The following ZNF678 variants were observed in gnomAD, a reference collection of about 807,000 sequenced individuals.
ZNF678 encodes the protein zinc finger protein 678, also known as hypothetical protein MGC42493.
A neutral mutation model predicts 3.0 loss-of-function variants in ZNF678; 5 were observed. The observed-to-expected ratio is 1.69, with a 90% CI of 0.88 to 3.56. The LOEUF is 3.56. Among genes scored for constraint, ZNF678 ranks in the 30% most tolerant of loss-of-function variants. ZNF678 has a pLI of 0.00. For missense variants in ZNF678, 593 were observed against 605.0 expected, an observed-to-expected ratio of 0.98 and a Z score of 0.21; for synonymous variants, 218 against 199.6, an observed-to-expected ratio of 1.09 and a Z score of -0.78.
chr1:227,648,548 TAAAAC>T (rs1374300405), intron 2 of ZNF678, among the ~76,000 whole-genome samples: 2 of 152,222 alleles, frequency 1.3e-5, no homozygotes, highest in Non-Finnish European at 2.9e-5. Context: ...TTATTCATCT[TAAAAC>T]CAAACAGCAA....
intron 1 of ZNF678, among the ~76,000 whole-genome samples, chr1:227,610,018 C>T (rs903634905): frequency 2.6e-5 from 4 of 152,130 alleles, no homozygotes; most frequent in African/African-American, 9.7e-5. Flanking sequence ...CAGGTGTGAG[C>T]CACCGCGCTC....
intron 1 of ZNF678, among the ~76,000 whole-genome samples, chr1:227,643,863 C>CTTTTTTTTTTTTTT (rs554280668): frequency 1.3e-4 from 15 of 115,384 alleles, no homozygotes; most frequent in South Asian, 2.9e-4. Flanking sequence ...CTTTTCTTTT[C>CTTTTTTTTTTTTTT]TTTTTTTTTT....
intron 1 of ZNF678, among the ~76,000 whole-genome samples, chr1:227,574,671 C>A (rs751134708): frequency 7.2e-5 from 11 of 152,096 alleles, no homozygotes; most frequent in Non-Finnish European, 1.2e-4. Flanking sequence ...TTAATCAAAT[C>A]CCATTTGCCA....
Position 227,655,241 on chromosome 1 carries a change from A to C in ZNF678, c.991A>C (p.Asn331His). ...ATGTGAAGAATGTGGCAAAACTTTT[A>C]ATCGGTGTTCACACCTAAGTAGCCA... ...YQCEECGKTF[N>H]RCSHLSSHKR... The change falls in exon 4 of 4, where the codon AAT becomes CAT. Residue 331 changes from asparagine (N) to histidine (H), a missense_variant. By Grantham distance (68) the Asn-to-His change is moderately conservative. Transcript: ENST00000343776. 6.2e-7 allele frequency: 1 copy of C among 1,612,580 alleles called. No homozygotes were observed. Among genetic ancestry groups the C allele is most frequent in the South Asian group, 1.1e-5 (1 of 91,004 alleles).
chr1:227,596,655 G>T (rs892271585), intron 1 of ZNF678, among the ~76,000 whole-genome samples: 2 of 152,170 alleles, frequency 1.3e-5, no homozygotes, highest in Non-Finnish European at 2.9e-5. Context: ...TCCTCCCTTA[G>T]CTGTAGGTGT....
chr1:227,653,041 C>T (rs1659126876), intron 3 of ZNF678, among the ~76,000 whole-genome samples: 1 of 151,984 alleles, frequency 6.6e-6, no homozygotes, highest in South Asian at 2.1e-4. Context: ...AGTATTCTTG[C>T]TTTAAAGTTT....
chr1:227,619,954 C>T (rs948717647), intron 1 of ZNF678, among the ~76,000 whole-genome samples: 1 of 152,166 alleles, frequency 6.6e-6, no homozygotes, highest in African/African-American at 2.4e-5. Context: ...GCAAACCCCA[C>T]ACATTTGATG....
intron 1 of ZNF678, among the ~76,000 whole-genome samples, chr1:227,608,434 A>T (rs962996625): frequency 4.6e-5 from 7 of 152,304 alleles, no homozygotes; most frequent in African/African-American, 1.7e-4. Context: ...TTCAACACAT[A>T]AAATTATTTT....
chr1:227,650,939 C>A lies in ZNF678; in HGVS notation c.-36-17C>A. On this transcript the variant is annotated splice_polypyrimidine_tract_variant and intron_variant, in intron 2 of 3. Coordinates refer to ENST00000343776, the MANE Select transcript of ZNF678 (RefSeq NM_001367909.1). ...TATGGCTTTTAAAAAATTTTCTTGCCTAATTGTTCTGTCTAGGACTTCCAG... is the reference window on the plus strand; with the variant it reads ...TATGGCTTTTAAAAAATTTTCTTGCATAATTGTTCTGTCTAGGACTTCCAG... The A allele has an allele frequency of 6.6e-7, 1 of 1,514,472 alleles. No individual in the cohort carries two copies. The highest frequency in any genetic ancestry group is 1.3e-5 in the South Asian group (1 of 74,076). 93.8% of individuals were successfully genotyped at this position (1,514,472 alleles called of 1,614,324 possible).
Position 227,659,109 on chromosome 1 carries a change from A to T in ZNF678, c.*3281A>T, listed in dbSNP as rs1659331771. 6.6e-6 allele frequency: 1 copy of T among 152,050 alleles called. No individual in the cohort carries two copies. Among genetic ancestry groups the T allele is most frequent in the South Asian group, 2.1e-4 (1 of 4,830 alleles). 9.4% of individuals were successfully genotyped at this position (152,050 alleles called of 1,614,324 possible). ...TGTAATATATTAGACAATAATAAACATTTACATTTATGTTTACATTTATAT... is the reference window on the plus strand; with the variant it reads ...TGTAATATATTAGACAATAATAAACTTTTACATTTATGTTTACATTTATAT... On this transcript the variant is annotated 3_prime_UTR_variant, in exon 4 of 4. Coordinates refer to ENST00000343776, the MANE Select transcript of ZNF678 (RefSeq NM_001367909.1).
At position 227,655,350 on chromosome 1, in the gene ZNF678, A is replaced by G. The variant is rs1170311962; in HGVS notation, c.1100A>G (p.His367Arg). ...TFTQFSNLTQHKRIHTGEKPY... is the reference protein window; with the variant it reads ...TFTQFSNLTQRKRIHTGEKPY... ...ACTCAATTCTCAAACCTCACTCAGCATAAAAGAATTCATACTGGAGAGAAA... is the reference window on the plus strand; with the variant it reads ...ACTCAATTCTCAAACCTCACTCAGCGTAAAAGAATTCATACTGGAGAGAAA... Residue 367 changes from histidine to arginine, a missense_variant, in exon 4 of 4, where the codon CAT (histidine) becomes CGT (arginine). Transcript: ENST00000343776. 4 of 1,612,722 alleles carry G rather than the reference A, an allele frequency of 2.5e-6. No individual in the cohort carries two copies. In the South Asian group the frequency reaches 4.4e-5, roughly 18 times the overall value.
At chr1:227,589,469 T>C (rs1657350527) in intron 1 of ZNF678, among the ~76,000 whole-genome samples, 1 of 151,720 alleles carries the variant, frequency 6.6e-6, no homozygotes, top group South Asian at 2.1e-4. Flanking sequence ...CAGGACGAGC[T>C]GCAGACAAAA....
intron 2 of ZNF678, among the ~76,000 whole-genome samples, chr1:227,647,378 T>A (rs74140328): frequency 0.02 from 2,978 of 152,308 alleles, 92 homozygotes; most frequent in African/African-American, 0.067. Flanking sequence ...TTTTTCCTAC[T>A]GAGCACCATA....
At chr1:227,670,937 A>G (rs945428496) in intron 5 of ZNF678, among the ~76,000 whole-genome samples, 1 of 149,008 alleles carries the variant, frequency 6.7e-6, no homozygotes. Flanking sequence ...TCTCATTCCC[A>G]TTTGTGTGTT....
rs1657664733 is a variant in ZNF678, at chr1:227,598,977, G to A, written c.-164+35253G>A. The A allele has an allele frequency of 2.1e-5, 23 of 1,106,636 alleles. No individual in the cohort carries two copies. In the South Asian group the frequency reaches 2.2e-4, roughly 11 times the overall value. 68.6% of individuals were successfully genotyped at this position (1,106,636 alleles called of 1,614,324 possible). A position where few individuals can be genotyped will look rare whatever the true frequency, so the allele number is the denominator to read the frequency against. On this transcript the variant is annotated intron_variant, in intron 1 of 3. Transcript: ENST00000343776. ...TCATTCATTTTTTTCTTCAAATTCA[G>A]CCAAAACCTTGGAGCCTTTCTTTTC... is the stretch of plus-strand genomic sequence containing the variant.
intron 5 of ZNF678, among the ~76,000 whole-genome samples, chr1:227,676,442 C>T (rs947571977): frequency 1.3e-5 from 2 of 152,142 alleles, no homozygotes; most frequent in Non-Finnish European, 2.9e-5. Context: ...TTCCAAAAAC[C>T]TTAAGACAGT....
chr1:227,577,146 GTCTT>G (rs1046171795), intron 1 of ZNF678, among the ~76,000 whole-genome samples: 3 of 152,164 alleles, frequency 2.0e-5, no homozygotes, highest in African/African-American at 4.8e-5. Context: ...CCTAAGGAAT[GTCTT>G]TCTTCTGATT....
intron 1 of ZNF678, among the ~76,000 whole-genome samples, chr1:227,588,355 G>A (rs1657318434): frequency 6.6e-6 from 1 of 151,992 alleles, no homozygotes; most frequent in Admixed American, 6.6e-5. Flanking sequence ...TCTGGTAATG[G>A]GATTGTTGAG....
chr1:227,625,063 T>G lies in ZNF678; in HGVS notation c.-163-21481T>G, dbSNP rs147404044. 1.1e-3 allele frequency among the ~76,000 whole-genome samples: 167 copies of G among 152,290 alleles called. 2 individuals are homozygous for G. In the East Asian group the frequency reaches 0.028, roughly 26 times the overall value. The stretch of plus-strand genomic sequence containing the variant: ...GGGTTTATATCCCAATCATTGTCCC[T>G]CCCCCTGTGCTCTCAGGCAATAGAT... On this transcript the variant is annotated intron_variant, in intron 1 of 3. Coordinates refer to ENST00000343776, the MANE Select transcript of ZNF678 (RefSeq NM_001367909.1).
Sources: allele counts gnomAD v4.1 joint callset (sites outside exome capture counted in the v4.1 genomes callset), GRCh38; gene constraint gnomAD v4.1.1; transcripts MANE v1.5; gene names NCBI Gene and HGNC (gene_info 2026-07-23, HGNC 2026-07-21).